UBXN8: variants seen among roughly 807,000 people sequenced by gnomAD.
UBXN8 encodes the protein UBX domain-containing protein 8.
In UBXN8, 27 loss-of-function variants were observed where a neutral mutation model predicts 32.1. That is an observed-to-expected ratio of 0.84 (90% CI 0.62 to 1.16). The LOEUF is 1.16. Ranked by LOEUF, UBXN8 falls within the 50% of genes most tolerant of loss-of-function variation. UBXN8 has a pLI of 0.00. For synonymous variants in UBXN8, 109 were observed against 111.8 expected (o/e 0.98, Z 0.16); for missense variants, 306 against 311.4 (o/e 0.98, Z 0.13).
Position 30,766,530 on chromosome 8 carries a change from G to T in UBXN8, c.*136G>T. On this transcript the variant is annotated 3_prime_UTR_variant, in exon 8 of 8. Coordinates refer to ENST00000265616, the MANE Select transcript of UBXN8 (RefSeq NM_005671.4). ...TAAACTTTGAACATTGATATCCATGGGAATAGGATTAGAAAAGGATTGCTT... is the reference window on the plus strand; with the variant it reads ...TAAACTTTGAACATTGATATCCATGTGAATAGGATTAGAAAAGGATTGCTT... 1.1e-6 allele frequency: 1 copy of T among 871,248 alleles called. No homozygotes were observed. Among genetic ancestry groups the T allele is most frequent in the Non-Finnish European group, 1.6e-6 (1 of 612,332 alleles). The allele number at this position is 871,248 out of a possible 1,614,324, so 54.0% of individuals were successfully genotyped here.
intron 5 of UBXN8, among the ~76,000 whole-genome samples, chr8:30,757,413 G>T (rs184839164): frequency 6.6e-6 from 1 of 151,490 alleles, no homozygotes; most frequent in Non-Finnish European, 1.5e-5. Context: ...TTAGCTGGGC[G>T]TGGTGGCAGG....
intron 3 of UBXN8, among the ~76,000 whole-genome samples, chr8:30,753,400 G>T (rs903941683): frequency 6.6e-6 from 1 of 152,092 alleles, no homozygotes; most frequent in Non-Finnish European, 1.5e-5. Flanking sequence ...GGGATTACAG[G>T]TGCGCACCAC....
chr8:30,753,255 T>C (rs1189182544), intron 3 of UBXN8, 150 bp downstream of exon 3: 2 of 1,224,600 alleles, frequency 1.6e-6, no homozygotes, highest in Non-Finnish European at 2.1e-6. Context: ...TTGACCATTT[T>C]ATTTTACTTA....
intron 1 of UBXN8, among the ~76,000 whole-genome samples, chr8:30,748,541 G>GT (rs1211600877): frequency 6.6e-6 from 1 of 150,736 alleles, no homozygotes; most frequent in Non-Finnish European, 1.5e-5. Context: ...GTCTATATAT[G>GT]TTTTTTTCTT....
intron 5 of UBXN8, 118 bp downstream of exon 5, chr8:30,757,005 TC>T: frequency 7.1e-7 from 1 of 1,416,748 alleles, no homozygotes; most frequent in Non-Finnish European, 9.5e-7. Context: ...GATGGTGTCT[TC>T]CCACTGCCTT....
chr8:30,763,258 A>G lies in UBXN8; in HGVS notation c.571-15A>G, dbSNP rs377664623. On this transcript the variant is annotated splice_polypyrimidine_tract_variant and intron_variant, in intron 6 of 7. Transcript: ENST00000265616. ...GCAATGGATCGGAGTTCTTATGTGA[A>G]TATTTCTTCCTTAGGTAGTTACTGT... 11 of 1,613,472 alleles carry G rather than the reference A, an allele frequency of 6.8e-6. No homozygotes were observed. In the African/African-American group the frequency reaches 1.1e-4, roughly 16 times the overall value.
Position 30,744,176 on chromosome 8 carries a change from G to T in UBXN8, c.-14G>T. 1 of 1,610,586 alleles carries T rather than the reference G, an allele frequency of 6.2e-7. No individual in the cohort carries two copies. Among genetic ancestry groups the T allele is most frequent in the Non-Finnish European group, 8.5e-7 (1 of 1,178,486 alleles). ...GGGGCGGGCTTTCCGCCTGCACCAG[G>T]CGCTTCCGCCACCATGGCTTCACGT... On this transcript the variant is annotated 5_prime_UTR_variant, in exon 1 of 8. Coordinates refer to ENST00000265616, the MANE Select transcript of UBXN8 (RefSeq NM_005671.4).
chr8:30,762,695 A>G (rs1805867820), intron 6 of UBXN8, among the ~76,000 whole-genome samples: 1 of 151,786 alleles, frequency 6.6e-6, no homozygotes, highest in South Asian at 2.1e-4. Context: ...ACCTGGCCTG[A>G]TTGGAAATAT....
chr8:30,758,662 C>T (rs895859140), intron 5 of UBXN8, among the ~76,000 whole-genome samples: 15 of 152,058 alleles, frequency 9.9e-5, no homozygotes, highest in African/African-American at 3.4e-4. Flanking sequence ...ATGAACTAAA[C>T]GGACTGATTA....
At chr8:30,754,937 C>A in intron 4 of UBXN8, 150 bp downstream of exon 4, 38 of 798,772 alleles carry the variant, frequency 4.8e-5, no homozygotes, top group African/African-American at 5.8e-5. Flanking sequence ...TTGTTTATTA[C>A]ATGGTTAAGG....
intron 4 of UBXN8, among the ~76,000 whole-genome samples, chr8:30,755,962 A>T (rs1457365664): frequency 1.3e-5 from 2 of 151,412 alleles, no homozygotes; most frequent in Non-Finnish European, 2.9e-5. Context: ...AACTTTGGTT[A>T]TGTTTTCCTT....
chr8:30,742,720 G>A (rs910339101), upstream of UBXN8, among the ~76,000 whole-genome samples: 2 of 151,964 alleles, frequency 1.3e-5, no homozygotes, highest in African/African-American at 4.8e-5. Context: ...CACCCTTCCC[G>A]GACATCCTTG....
In UBXN8 at chr8:30,766,263, A is replaced by G. The variant is rs1805999997; in HGVS notation, c.682A>G (p.Ile228Val). The G allele has an allele frequency of 1.9e-6, 3 of 1,613,542 alleles. No homozygotes were observed. Among genetic ancestry groups the G allele is most frequent in the Non-Finnish European group, 2.5e-6 (3 of 1,179,706 alleles). Residue 228 changes from isoleucine to valine, a missense_variant, in exon 8 of 8, where the codon ATA becomes GTA. Transcript: ENST00000265616. ...FDWMTRIGYH[I>V]SLYSLSTSFP... ...CTGGATGACGAGAATTGGGTACCACATATCTCTATACAGCCTTTCTACTTC... is the reference window on the plus strand; with the variant it reads ...CTGGATGACGAGAATTGGGTACCACGTATCTCTATACAGCCTTTCTACTTC...
chr8:30,755,773 A>AG (rs1483272193), intron 4 of UBXN8, among the ~76,000 whole-genome samples: 2 of 150,684 alleles, frequency 1.3e-5, no homozygotes, highest in Non-Finnish European at 3.0e-5. Flanking sequence ...AAAAAAAAAA[A>AG]AAAAAAAAGA....
intron 6 of UBXN8, among the ~76,000 whole-genome samples, chr8:30,762,766 A>G (rs952079224): frequency 2.0e-5 from 3 of 152,224 alleles, no homozygotes; most frequent in African/African-American, 7.2e-5. Flanking sequence ...CTTATGCCTA[A>G]TATGATACCC....
rs1397041541 is a variant in UBXN8, at chr8:30,766,925, T to TAC, written c.*532_*533insCA. The TAC allele has an allele frequency of 6.6e-6, 1 of 152,228 alleles. No homozygotes were observed. Among genetic ancestry groups the TAC allele is most frequent in the African/African-American group, 2.4e-5 (1 of 41,450 alleles). The allele number at this position is 152,228 out of a possible 1,614,324, so 9.4% of individuals were successfully genotyped here. ...CGATTTATATAATTTTGCCTTGTAT[T>TAC]AAATGTTACAAAGTTCCAAATGAAT... On this transcript the variant is annotated 3_prime_UTR_variant, in exon 8 of 8. Transcript: ENST00000265616.
intron 5 of UBXN8, among the ~76,000 whole-genome samples, chr8:30,758,005 C>T (rs891698781): frequency 1.3e-5 from 2 of 152,004 alleles, no homozygotes; most frequent in Non-Finnish European, 2.9e-5. Context: ...TCACCATTCT[C>T]CTGCCTCAGC....
chr8:30,759,679 G>A (rs13278031), intron 5 of UBXN8, among the ~76,000 whole-genome samples: 107,823 of 151,440 alleles, frequency 0.71, 40,096 homozygotes, highest in East Asian at 0.84. Flanking sequence ...TATATGGGCC[G>A]GGTGTGGTGG....
chr8:30,758,901 T>TG (rs1805747373), intron 5 of UBXN8, among the ~76,000 whole-genome samples: 7 of 130,154 alleles, frequency 5.4e-5, no homozygotes, highest in African/African-American at 1.8e-4. Context: ...TTTGTTTTTT[T>TG]TTTTTTTTTT....
Sources: allele counts gnomAD v4.1 joint callset (sites outside exome capture counted in the v4.1 genomes callset), GRCh38; gene constraint gnomAD v4.1.1; transcripts MANE v1.5; gene names NCBI Gene and HGNC (gene_info 2026-07-23, HGNC 2026-07-21).